The following DCAF12 variants were observed in gnomAD, a reference collection of about 807,000 sequenced individuals.
The protein encoded by DCAF12 is DDB1- and CUL4-associated factor 12.
DCAF12 carries 28 observed loss-of-function variants against 52.8 expected under a neutral mutation model. That is an observed-to-expected ratio of 0.53 (90% confidence interval 0.39 to 0.73). The LOEUF (loss-of-function observed/expected upper bound fraction) is 0.73, where lower values mean the gene tolerates loss of function less well. Among genes scored for constraint, DCAF12 ranks in the 30% least tolerant of loss-of-function variants. The pLI is 0.00. For synonymous variants in DCAF12, 196 were observed against 215.5 expected, an observed-to-expected ratio of 0.91 and a Z score of 0.79; for missense variants, 425 against 552.2, an observed-to-expected ratio of 0.77 and a Z score of 2.31.
rs1828777788 is a variant in DCAF12 at position 34,098,648 on chromosome 9, T to A, written c.602-131A>T. 7.0e-6 allele frequency: 6 copies of A among 861,248 alleles called. No individual in the cohort carries two copies. In the South Asian group the frequency reaches 9.5e-5, roughly 14 times the overall value. 53.4% of individuals were successfully genotyped at this position (861,248 alleles called of 1,614,324 possible). A position where few individuals can be genotyped will look rare whatever the true frequency, so the allele number is the denominator to read the frequency against. On this transcript the variant is annotated intron_variant, in intron 4 of 8. Coordinates refer to ENST00000361264, the MANE Select transcript of DCAF12 (RefSeq NM_015397.4). ...TCATATGTGCTGAAGCTTGGCCAGA[T>A]GGCCCACCCTAAACACAGAGCAGTA... is the stretch of plus-strand genomic sequence containing the variant.
chr9:34,122,036 C>T (rs559104916), intron 2 of DCAF12, among the ~76,000 whole-genome samples: 13 of 152,178 alleles, frequency 8.5e-5, no homozygotes, highest in East Asian at 3.8e-4. Context: ...CCTGCTCCCC[C>T]GCAGCAGTTC....
intron 2 of DCAF12, among the ~76,000 whole-genome samples, chr9:34,121,855 A>C (rs1587743051): frequency 6.6e-6 from 1 of 152,290 alleles, no homozygotes; most frequent in Non-Finnish European, 1.5e-5. Context: ...AGGCGGGAGA[A>C]TCGATTGAAC....
At chr9:34,102,760 T>C (rs1828849011) in intron 4 of DCAF12, among the ~76,000 whole-genome samples, 1 of 151,960 alleles carries the variant, frequency 6.6e-6, no homozygotes, top group Non-Finnish European at 1.5e-5. Context: ...AGAGGACAAC[T>C]GAGCAACCTG....
At chr9:34,119,693 A>C (rs1587742122) in intron 2 of DCAF12, among the ~76,000 whole-genome samples, 2 of 138,992 alleles carry the variant, frequency 1.4e-5, no homozygotes, top group African/African-American at 5.3e-5. Flanking sequence ...AATACTATGT[A>C]CTTTTGCGGT....
At chr9:34,116,879 T>G (rs1308496234) in intron 2 of DCAF12, among the ~76,000 whole-genome samples, 1 of 152,122 alleles carries the variant, frequency 6.6e-6, no homozygotes, top group African/African-American at 2.4e-5. Context: ...CTCGGGAGGA[T>G]GAGGCAGAAG....
At chr9:34,124,929 A>C (rs1179613933) in intron 2 of DCAF12, 94 bp downstream of exon 2, 1 of 1,508,054 alleles carries the variant, frequency 6.6e-7, no homozygotes, top group African/African-American at 1.4e-5. Flanking sequence ...TCCCTCCTAA[A>C]AGAAACAGAC....
chr9:34,125,293 T>A lies in DCAF12; in HGVS notation c.79-16A>T. ...CCCAGCCAAACTGTGGAAACAACAT[T>A]AGAAATCAGGGCTTTGGCTACTCTT... On this transcript the variant is annotated splice_polypyrimidine_tract_variant and intron_variant, in intron 1 of 8. Transcript: ENST00000361264. 6.2e-7 allele frequency: 1 copy of A among 1,612,828 alleles called. No individual in the cohort carries two copies. Among genetic ancestry groups the A allele is most frequent in the Non-Finnish European group, 8.5e-7 (1 of 1,179,382 alleles).
intron 2 of DCAF12, among the ~76,000 whole-genome samples, chr9:34,108,858 C>CT (rs1479750463): frequency 6.7e-6 from 1 of 148,570 alleles, no homozygotes; most frequent in African/African-American, 2.5e-5. Flanking sequence ...TGGCAAGTGC[C>CT]TGTAGTCCCA....
chr9:34,109,252 C>T, intron 2 of DCAF12: 1 of 179,642 alleles, frequency 5.6e-6, no homozygotes, highest in Non-Finnish European at 1.2e-5. Context: ...CATGTTCATG[C>T]TGCTCACAGC....
chr9:34,107,382 G>A lies in DCAF12; in HGVS notation c.517C>T (p.Leu173=). The A allele has an allele frequency of 6.2e-7, 1 of 1,614,122 alleles. No homozygotes were observed. Among genetic ancestry groups the A allele is most frequent in the Non-Finnish European group, 8.5e-7 (1 of 1,180,026 alleles). ...NSLAIYRLPT[L]DPVCVGDDGH... ...ACATCTCCTACACACACAGGATCCA[G>A]CGTAGGTAGTCGATAGATGGCAAGA... The change falls in exon 3 of 9, where the codon CTG becomes TTG. Residue 173 remains leucine (L), a synonymous_variant. Coordinates refer to ENST00000361264, the MANE Select transcript of DCAF12 (RefSeq NM_015397.4).
intron 2 of DCAF12, among the ~76,000 whole-genome samples, chr9:34,122,295 C>T (rs1306672171): frequency 1.3e-5 from 2 of 152,130 alleles, no homozygotes; most frequent in Non-Finnish European, 2.9e-5. Context: ...CTGTCTTTCC[C>T]ATGATAATGT....
chr9:34,094,918 CATCTTATACACAT>C (rs1165202815), intron 6 of DCAF12, among the ~76,000 whole-genome samples: 1 of 152,128 alleles, frequency 6.6e-6, no homozygotes, highest in Non-Finnish European at 1.5e-5. Flanking sequence ...GTTTCATATA[CATCTTATACACAT>C]AGAGTGAAGG....
In DCAF12 at chr9:34,093,457, AGAG is replaced by A. The variant is rs773738124; in HGVS notation, c.862-12_862-10del. The A allele has an allele frequency of 3.7e-6, 6 of 1,613,918 alleles. No individual in the cohort carries two copies. The South Asian group carries it at 5.5e-5, about 15-fold the overall frequency. ...AGTTTGGTGGAGAGGAGCTGAAAAT[AGAG>A]GAGAGATATAACCATGGCATCAGCA... On this transcript the variant is annotated splice_polypyrimidine_tract_variant and intron_variant, in intron 6 of 8. Coordinates refer to ENST00000361264, the MANE Select transcript of DCAF12 (RefSeq NM_015397.4).
At chr9:34,108,812 A>AATATAT (rs59340595) in intron 2 of DCAF12, among the ~76,000 whole-genome samples, 2 of 139,314 alleles carry the variant, frequency 1.4e-5, no homozygotes, top group African/African-American at 5.2e-5. Context: ...TAAATAAATA[A>AATATAT]ATATATATAT....
At chr9:34,116,229 C>T (rs779247270) in intron 2 of DCAF12, among the ~76,000 whole-genome samples, 7 of 151,498 alleles carry the variant, frequency 4.6e-5, no homozygotes, top group Non-Finnish European at 7.4e-5. Context: ...TGGTGGCAGT[C>T]GCCTTTAATC....
chr9:34,115,319 C>T lies in DCAF12; in HGVS notation c.334-7754G>A, dbSNP rs374748645. Among the ~76,000 whole-genome samples, 599 of 151,886 alleles carry T rather than the reference C, an allele frequency of 3.9e-3. 3 individuals are homozygous for T. The highest frequency in any genetic ancestry group is 7.2e-3 in the Non-Finnish European group (492 of 67,932). ...TAAAAATATGTATAGCGGCTAGGCG[C>T]GGTGGCTCACACCTGTAATCCCAGC... On this transcript the variant is annotated intron_variant, in intron 2 of 8. Transcript: ENST00000361264.
In DCAF12 at chr9:34,098,335, T is replaced by C; in HGVS notation, c.784A>G (p.Asn262Asp). Reference sequence around the variant, plus strand: ...ACACAAGTTCATACCTTGTTCTTGTTGTTGAAGGCCAGAGCCCGAACCTTG... The same window carrying C: ...ACACAAGTTCATACCTTGTTCTTGTCGTTGAAGGCCAGAGCCCGAACCTTG... ...NCKVRALAFNNKNKELGAVSL... is the reference protein window; with the variant it reads ...NCKVRALAFNDKNKELGAVSL... Residue 262 changes from asparagine (N) to aspartate (D), a missense_variant, in exon 5 of 9, where the codon AAC becomes GAC. Around this residue, in one of 3 missense-constraint regions of DCAF12, gnomAD observed 328 missense variants for 444.4 expected, o/e 0.74. Transcript: ENST00000361264. The C allele has an allele frequency of 6.2e-7, 1 of 1,613,944 alleles. No individual in the cohort carries two copies.
At position 34,125,183 on chromosome 9, in the gene DCAF12, T is replaced by G; in HGVS notation, c.173A>C (p.Gln58Pro). The change falls in exon 2 of 9, where the codon CAG becomes CCG. Residue 58 changes from glutamine (Q) to proline (P), a missense_variant. Gln to Pro is a moderately conservative substitution (Grantham distance 76). Transcript: ENST00000361264. Reference protein sequence around the residue: ...YYLKNREVRLQNETSYSRVLH... With the variant: ...YYLKNREVRLPNETSYSRVLH... ...CACTCGAGAGTAGCTGGTTTCATTC[T>G]GTAGCCTGACTTCCCGGTTCTTCAA... is the stretch of plus-strand genomic sequence containing the variant. 1 of 1,614,216 alleles carries G rather than the reference T, an allele frequency of 6.2e-7. No homozygotes were observed. Among genetic ancestry groups the G allele is most frequent in the East Asian group, 2.2e-5 (1 of 44,890 alleles).
chr9:34,114,838 G>A (rs1346808551), intron 2 of DCAF12, among the ~76,000 whole-genome samples: 4 of 152,054 alleles, frequency 2.6e-5, no homozygotes, highest in African/African-American at 7.2e-5. Flanking sequence ...GTGGTAGCAG[G>A]AACCTATCGT....
Sources: allele counts gnomAD v4.1 joint callset (sites outside exome capture counted in the v4.1 genomes callset), GRCh38; gene constraint gnomAD v4.1.1; regional missense constraint gnomAD v4.1.1; transcripts MANE v1.5; gene names NCBI Gene and HGNC (gene_info 2026-07-23, HGNC 2026-07-21).